The following CTNNA2 variants were observed in gnomAD, a reference collection of about 807,000 sequenced individuals.
CTNNA2 encodes the protein catenin alpha-2.
In CTNNA2, 42 loss-of-function variants were observed where a neutral mutation model predicts 101.0. The ratio of observed to expected loss-of-function variants is 0.42; its 90% CI spans 0.32 to 0.54. CTNNA2 has a LOEUF of 0.54. Ranked by LOEUF, CTNNA2 falls within the 20% of genes least tolerant of loss-of-function variation. The pLI is 0.14. For missense variants in CTNNA2, 871 were observed against 1,223.1 expected, an observed-to-expected ratio of 0.71 and a Z score of 4.29; for synonymous variants, 450 against 456.4, an observed-to-expected ratio of 0.99 and a Z score of 0.18.
chr2:80,535,859 G>A (rs1469330538), intron 9 of CTNNA2, among the ~76,000 whole-genome samples: 1 of 152,160 alleles, frequency 6.6e-6, no homozygotes, highest in Non-Finnish European at 1.5e-5. Context: ...ATTTTAAAAT[G>A]ATTCCATAAT....
At chr2:79,533,272 G>A (rs555893012) in intron 1 of CTNNA2, among the ~76,000 whole-genome samples, 79 of 152,180 alleles carry the variant, frequency 5.2e-4, no homozygotes, top group Admixed American at 1.4e-3. Flanking sequence ...GACTGAGAAT[G>A]TCTTTAAAGC....
At chr2:79,734,376 C>G (rs898414250) in intron 2 of CTNNA2, among the ~76,000 whole-genome samples, 2 of 151,948 alleles carry the variant, frequency 1.3e-5, no homozygotes, top group African/African-American at 4.8e-5. Context: ...TGTGTTTTAT[C>G]AAATCAAAGA....
intron 7 of CTNNA2, among the ~76,000 whole-genome samples, chr2:80,146,935 T>TTTTTTTTATTTA (rs1553458523): frequency 1.9e-4 from 25 of 131,502 alleles, no homozygotes; most frequent in African/African-American, 6.4e-4. Flanking sequence ...GTATTTTGTA[T>TTTTTTTTATTTA]TTTATTTATT....
intron 2 of CTNNA2, among the ~76,000 whole-genome samples, chr2:79,248,297 A>G (rs1376086441): frequency 2.0e-5 from 3 of 152,122 alleles, no homozygotes. Flanking sequence ...AAATTTTAGT[A>G]GCCATCCATG....
Position 80,276,248 on chromosome 2 carries a change from C to A in CTNNA2, c.1057-116963C>A, listed in dbSNP as rs2149149101. ...TCTGAAACTAACTACCTGAAGTTAG[C>A]ACACACCCCACAGATAAAAGCAAAG... On this transcript the variant is annotated intron_variant, in intron 7 of 18. Transcript: ENST00000402739. 1.3e-5 allele frequency among the ~76,000 whole-genome samples: 2 copies of A among 152,292 alleles called. 1 individual carries two copies. Among genetic ancestry groups the A allele is most frequent in the East Asian group, 3.9e-4 (2 of 5,166 alleles).
chr2:80,124,319 A>G (rs1326445744), intron 7 of CTNNA2, among the ~76,000 whole-genome samples: 2 of 151,902 alleles, frequency 1.3e-5, no homozygotes, highest in African/African-American at 2.4e-5. Context: ...TCAGAACCAT[A>G]CCCTTGGGAC....
At chr2:79,993,612 G>C (rs1336404741) in intron 7 of CTNNA2, among the ~76,000 whole-genome samples, 1 of 152,176 alleles carries the variant, frequency 6.6e-6, no homozygotes, top group Non-Finnish European at 1.5e-5. Context: ...TGTTAGGGGA[G>C]GGATGCTTGA....
At chr2:79,806,594 C>A (rs1676592117) in intron 3 of CTNNA2, among the ~76,000 whole-genome samples, 1 of 151,998 alleles carries the variant, frequency 6.6e-6, no homozygotes, top group Non-Finnish European at 1.5e-5. Context: ...ACAGAGGGTA[C>A]CATGTGCACA....
chr2:80,506,600 A>G, intron 9 of CTNNA2, among the ~76,000 whole-genome samples: 1 of 152,164 alleles, frequency 6.6e-6, no homozygotes, highest in East Asian at 1.9e-4. Flanking sequence ...GGCAGAGTTA[A>G]AGATAGAACT....
chr2:79,895,870 A>T (rs940669612), intron 6 of CTNNA2, among the ~76,000 whole-genome samples: 2 of 152,134 alleles, frequency 1.3e-5, no homozygotes, highest in African/African-American at 4.8e-5. Context: ...TGGGCAGCAG[A>T]TCTATTTTGG....
At chr2:80,348,197 G>T (rs759078116) in intron 7 of CTNNA2, among the ~76,000 whole-genome samples, 5 of 152,106 alleles carry the variant, frequency 3.3e-5, no homozygotes, top group Non-Finnish European at 5.9e-5. Context: ...TCATATGTTA[G>T]CTGTCTTCTT....
In CTNNA2 at chr2:80,209,495, GTA is replaced by G. The variant is rs1473698771; in HGVS notation, c.1057-183714_1057-183713del. On this transcript the variant is annotated intron_variant, in intron 7 of 18. Transcript: ENST00000402739. ...CTTGAGCTACTGTACGCTGCCCAGA[GTA>G]TTTTTATTGTGCCACAAATTTTTGA... Among the ~76,000 whole-genome samples the G allele has an allele frequency of 3.9e-5, 6 of 152,166 alleles. No individual in the cohort carries two copies. The South Asian group carries it at 1.2e-3, about 32-fold the overall frequency.
chr2:79,578,303 A>C (rs552859661), intron 1 of CTNNA2, among the ~76,000 whole-genome samples: 9 of 152,208 alleles, frequency 5.9e-5, no homozygotes, highest in African/African-American at 2.2e-4. Flanking sequence ...TATGTTATAT[A>C]AGGTTCGAAT....
At chr2:80,138,397 A>C (rs140316544) in intron 7 of CTNNA2, among the ~76,000 whole-genome samples, 5 of 152,256 alleles carry the variant, frequency 3.3e-5, no homozygotes, top group African/African-American at 7.2e-5. Flanking sequence ...CCATCTGCTA[A>C]ATGGAGAGTA....
intron 2 of CTNNA2, among the ~76,000 whole-genome samples, chr2:79,277,726 C>A (rs1476249574): frequency 6.6e-6 from 1 of 152,088 alleles, no homozygotes; most frequent in African/African-American, 2.4e-5. Flanking sequence ...CCAAAACTTA[C>A]ACTCTTCTGT....
At chr2:79,554,646 G>GA (rs1253967443) in intron 1 of CTNNA2, among the ~76,000 whole-genome samples, 1 of 152,020 alleles carries the variant, frequency 6.6e-6, no homozygotes, top group Non-Finnish European at 1.5e-5. Flanking sequence ...AATACCTCTA[G>GA]AAAAAGTGAA....
chr2:80,043,294 T>C (rs1397608328), intron 7 of CTNNA2, among the ~76,000 whole-genome samples: 1 of 150,256 alleles, frequency 6.7e-6, no homozygotes, highest in African/African-American at 2.5e-5. Context: ...ACCTCCTGGG[T>C]TCAAGCGATT....
chr2:79,950,457 T>C (rs1401868306), intron 7 of CTNNA2, among the ~76,000 whole-genome samples: 3 of 152,222 alleles, frequency 2.0e-5, no homozygotes, highest in Middle Eastern at 3.2e-3. Flanking sequence ...ATGAAATACA[T>C]GAATGGGTTC....
At chr2:79,279,532 C>A (rs1165726397) in intron 2 of CTNNA2, among the ~76,000 whole-genome samples, 1 of 152,232 alleles carries the variant, frequency 6.6e-6, no homozygotes, top group Middle Eastern at 3.4e-3. Context: ...GAGCTGCCAC[C>A]TCCATGACCA....
Sources: allele counts gnomAD v4.1 joint callset (sites outside exome capture counted in the v4.1 genomes callset), GRCh38; gene constraint gnomAD v4.1.1; transcripts MANE v1.5; gene names NCBI Gene and HGNC (gene_info 2026-07-23, HGNC 2026-07-21).